SEPTIN9: variants seen among roughly 807,000 people sequenced by gnomAD.
The protein encoded by SEPTIN9 is septin 9.
Under a neutral mutation model 56.6 loss-of-function variants are expected in SEPTIN9, and 13 were observed. The observed-to-expected ratio is 0.23, with a 90% CI of 0.15 to 0.37. The LOEUF is 0.37. SEPTIN9 is among the 10% of genes least tolerant of loss of function. SEPTIN9 has a pLI of 1.00. For missense variants in SEPTIN9, 650 were observed against 823.1 expected, an observed-to-expected ratio of 0.79 and a Z score of 2.57; for synonymous variants, 332 against 334.1, an observed-to-expected ratio of 0.99 and a Z score of 0.07.
rs1028295958 is a variant in SEPTIN9 at position 77,402,727 on chromosome 17, T to C, written c.721+24T>C. On this transcript the variant is annotated intron_variant, in intron 3 of 11. Coordinates refer to ENST00000427177, the MANE Select transcript of SEPTIN9 (RefSeq NM_001113491.2). This position sits in a 1 kb window ranked among gnomAD's most constrained non-coding sequence, Gnocchi z 6.6. ...GGGTGAGTCGCAGAGCGCTAGGTCTTGGATGCTGTGGTAATGGGGGGCCTG... is the reference window on the plus strand; with the variant it reads ...GGGTGAGTCGCAGAGCGCTAGGTCTCGGATGCTGTGGTAATGGGGGGCCTG... 3.3e-6 allele frequency: 5 copies of C among 1,532,212 alleles called. No homozygotes were observed. The highest frequency in any genetic ancestry group is 2.2e-5 in the Admixed American group (1 of 46,078). The allele number at this position is 1,532,212 out of a possible 1,614,324, so 94.9% of individuals were successfully genotyped here.
intron 2 of SEPTIN9, among the ~76,000 whole-genome samples, chr17:77,342,145 T>G (rs909937964): frequency 6.6e-6 from 1 of 151,598 alleles, no homozygotes; most frequent in Non-Finnish European, 1.5e-5. Flanking sequence ...ATAATAATAA[T>G]GAAAAAGTTT....
chr17:77,301,873 A>G (rs1372778884), intron 1 of SEPTIN9, among the ~76,000 whole-genome samples: 1 of 152,204 alleles, frequency 6.6e-6, no homozygotes, highest in Non-Finnish European at 1.5e-5. Context: ...TTGTCAGCAC[A>G]AAGGCAGAGC....
At chr17:77,322,642 C>G (rs1400611685) in intron 2 of SEPTIN9, 1 of 152,300 alleles carries the variant, frequency 6.6e-6, no homozygotes, top group Non-Finnish European at 1.5e-5. Flanking sequence ...CACTTGGCAG[C>G]TCTGGGCCGC....
rs750639946 is a variant in SEPTIN9, at chr17:77,449,532, G to A, written c.722-32612G>A. The stretch of plus-strand genomic sequence containing the variant: ...GCCAGAGGCAAAGAGAAGAAGGTTC[G>A]GAGAGGAGGGCCAAGGAAGAAGGGT... On this transcript the variant is annotated intron_variant, in intron 3 of 11. Coordinates refer to ENST00000427177, the MANE Select transcript of SEPTIN9 (RefSeq NM_001113491.2). This position sits in a 1 kb window ranked among gnomAD's most constrained non-coding sequence, Gnocchi z 4.6. Among the ~76,000 whole-genome samples the A allele has an allele frequency of 3.3e-5, 5 of 152,194 alleles. No homozygotes were observed. The highest frequency in any genetic ancestry group is 7.3e-5 in the Non-Finnish European group (5 of 68,030).
In SEPTIN9 at chr17:77,329,388, C is replaced by G. The variant is rs1440407403; in HGVS notation, c.76+22191C>G. On this transcript the variant is annotated intron_variant, in intron 2 of 11. Coordinates refer to ENST00000427177, the MANE Select transcript of SEPTIN9 (RefSeq NM_001113491.2). The surrounding 1 kb of genome is among the most constrained non-coding windows in gnomAD (Gnocchi z 4.3). Reference sequence around the variant, plus strand: ...CTGACAGGTGGCCGGCCCTGCCCAGCCTTGCACTGCCCTGTGCTGCCCTGG... The same window carrying G: ...CTGACAGGTGGCCGGCCCTGCCCAGGCTTGCACTGCCCTGTGCTGCCCTGG... 6.6e-6 allele frequency among the ~76,000 whole-genome samples: 1 copy of G among 152,216 alleles called. No individual in the cohort carries two copies. Among genetic ancestry groups the G allele is most frequent in the African/African-American group, 2.4e-5 (1 of 41,456 alleles).
chr17:77,308,837 G>GC (rs1242939419), intron 2 of SEPTIN9, among the ~76,000 whole-genome samples: 1 of 152,208 alleles, frequency 6.6e-6, no homozygotes, highest in Non-Finnish European at 1.5e-5. Context: ...ACAGGGAGTG[G>GC]GAGTGGAGGG....
chr17:77,355,981 C>CAAAAAAAAA (rs766969712), intron 2 of SEPTIN9, among the ~76,000 whole-genome samples: 19 of 92,378 alleles, frequency 2.1e-4, no homozygotes, highest in South Asian at 5.4e-4. Flanking sequence ...GACTCCGTCT[C>CAAAAAAAAA]AAAAAAAAAA....
chr17:77,341,947 G>A (rs2143761192), intron 2 of SEPTIN9, among the ~76,000 whole-genome samples: 1 of 151,698 alleles, frequency 6.6e-6, no homozygotes, highest in African/African-American at 2.4e-5. Flanking sequence ...GCCGGGCGTG[G>A]TGGTGGGTGC....
intron 3 of SEPTIN9, among the ~76,000 whole-genome samples, chr17:77,430,388 C>T (rs1401922792): frequency 1.3e-5 from 2 of 152,256 alleles, no homozygotes; most frequent in African/African-American, 2.4e-5. Flanking sequence ...TGTCATGCAG[C>T]GGGGGGTGGA....
At chr17:77,345,851 G>A (rs78843320) in intron 2 of SEPTIN9, among the ~76,000 whole-genome samples, 2,334 of 152,252 alleles carry the variant, frequency 0.015, 56 homozygotes, top group African/African-American at 0.053. Flanking sequence ...ATCACGGAGC[G>A]GGGCCTGGCA....
intron 3 of SEPTIN9, among the ~76,000 whole-genome samples, chr17:77,457,093 C>T (rs768818475): frequency 2.0e-5 from 3 of 152,206 alleles, no homozygotes; most frequent in African/African-American, 7.2e-5. Flanking sequence ...CCTTTGCCCC[C>T]GGGGCTGTGT....
intron 3 of SEPTIN9, among the ~76,000 whole-genome samples, chr17:77,472,011 C>T (rs1157153601): frequency 6.6e-6 from 1 of 152,168 alleles, no homozygotes; most frequent in African/African-American, 2.4e-5. Context: ...TCATCCTTGG[C>T]CTGCCCTCCC....
intron 2 of SEPTIN9, among the ~76,000 whole-genome samples, chr17:77,348,417 G>C (rs1288301010): frequency 6.7e-6 from 1 of 148,408 alleles, no homozygotes; most frequent in Non-Finnish European, 1.5e-5. Flanking sequence ...TCCTGCCTCA[G>C]CTTCCCTAGT....
rs1206387434 is a variant in SEPTIN9, at chr17:77,475,691, G to T, written c.722-6453G>T. 1.2e-6 allele frequency: 2 copies of T among 1,613,546 alleles called. No individual in the cohort carries two copies. Among genetic ancestry groups the T allele is most frequent in the East Asian group, 2.2e-5 (1 of 44,894 alleles). On this transcript the variant is annotated intron_variant, in intron 3 of 11. Coordinates refer to ENST00000427177, the MANE Select transcript of SEPTIN9 (RefSeq NM_001113491.2). This position sits in a 1 kb window ranked among gnomAD's most constrained non-coding sequence, Gnocchi z 4.6. ...ACTGCTGGGCCCACGCTGGGCCGGG[G>T]TGGATGGAGGCAAGGAAGTCTTCGC...
At position 77,498,916 on chromosome 17, in the gene SEPTIN9, C is replaced by T. The variant is rs879747657; in HGVS notation, c.*258C>T. On this transcript the variant is annotated 3_prime_UTR_variant, in exon 12 of 12. Transcript: ENST00000427177. Reference sequence around the variant, plus strand: ...GAGAGCACCCACTGAATTGACATGACCCTCTGTCCCCAGGCCTGGCTCCCC... The same window carrying T: ...GAGAGCACCCACTGAATTGACATGATCCTCTGTCCCCAGGCCTGGCTCCCC... 1 of 575,796 alleles carries T rather than the reference C, an allele frequency of 1.7e-6. No homozygotes were observed. The highest frequency in any genetic ancestry group is 1.8e-5 in the African/African-American group (1 of 54,958). The allele number at this position is 575,796 out of a possible 1,614,324, so 35.7% of individuals were successfully genotyped here.
intron 2 of SEPTIN9, among the ~76,000 whole-genome samples, chr17:77,364,308 C>A (rs986784194): frequency 6.6e-6 from 1 of 152,178 alleles, no homozygotes; most frequent in Non-Finnish European, 1.5e-5. Flanking sequence ...CTGCAGGGCA[C>A]GGGGTGCATG....
chr17:77,345,348 C>T (rs1181724496), intron 2 of SEPTIN9, among the ~76,000 whole-genome samples: 1 of 152,180 alleles, frequency 6.6e-6, no homozygotes, highest in Non-Finnish European at 1.5e-5. Flanking sequence ...TATGCAAACA[C>T]ACAGAAGCAG....
At position 77,470,388 on chromosome 17, in the gene SEPTIN9, G is replaced by T. The variant is rs201467530; in HGVS notation, c.722-11756G>T. 6.3e-5 allele frequency among the ~76,000 whole-genome samples: 7 copies of T among 110,306 alleles called. No homozygotes were observed. In the South Asian group the frequency reaches 1.3e-3, roughly 20 times the overall value. 72.4% of individuals were successfully genotyped at this position (110,306 alleles called of 152,430 possible). ...CACTTATCCATCCATCCACTCATCC[G>T]TCCATCCACTCATCCACGCATCCAC... On this transcript the variant is annotated intron_variant, in intron 3 of 11. Coordinates refer to ENST00000427177, the MANE Select transcript of SEPTIN9 (RefSeq NM_001113491.2).
At chr17:77,423,569 C>T (rs1246246945) in intron 3 of SEPTIN9, among the ~76,000 whole-genome samples, 6 of 152,252 alleles carry the variant, frequency 3.9e-5, no homozygotes, top group African/African-American at 1.4e-4. Flanking sequence ...GGAGCTGGCC[C>T]TGGCCATTGT....
Sources: gnomAD v4.1 joint callset for allele counts (sites outside exome capture counted in the v4.1 genomes callset) on GRCh38, gnomAD v4.1.1 for gene constraint, Gnocchi (gnomAD v3.1) non-coding constraint, MANE v1.5 for transcripts, NCBI Gene and HGNC (gene_info 2026-07-23, HGNC 2026-07-21) for gene names.